EPHA4: variants seen among roughly 807,000 people sequenced by gnomAD.
EPHA4 encodes the protein EPH receptor A4.
Under a neutral mutation model 108.3 loss-of-function variants are expected in EPHA4, and 19 were observed. The ratio of observed to expected loss-of-function variants is 0.18; its 90% confidence interval spans 0.12 to 0.26. The LOEUF (loss-of-function observed/expected upper bound fraction) is 0.26. Ranked by LOEUF, EPHA4 falls within the 10% of genes least tolerant of loss-of-function variation. The probability of loss-of-function intolerance (pLI) is 1.00; values close to 1 mark genes in which losing one functional copy is unlikely to be tolerated. For missense variants in EPHA4, 917 were observed against 1,254.0 expected, an observed-to-expected ratio of 0.73 and a Z score of 4.06; for synonymous variants, 449 against 455.5, an observed-to-expected ratio of 0.99 and a Z score of 0.18.
At position 221,432,141 on chromosome 2, in the gene EPHA4, A is replaced by G. The variant is rs62178653; in HGVS notation, c.2497-1990T>C. Reference sequence around the variant, plus strand: ...ATATATATATTGTTTTTTTATATATATGTGTGTATATATATATAAAATACA... The same window carrying G: ...ATATATATATTGTTTTTTTATATATGTGTGTGTATATATATATAAAATACA... On this transcript the variant is annotated intron_variant, in intron 14 of 17. Coordinates refer to ENST00000281821, the MANE Select transcript of EPHA4 (RefSeq NM_004438.5). 3.0e-3 allele frequency among the ~76,000 whole-genome samples: 415 copies of G among 140,640 alleles called. 2 individuals carry two copies. The highest frequency in any genetic ancestry group is 0.011 in the African/African-American group (394 of 35,776). 92.3% of individuals were successfully genotyped at this position (140,640 alleles called of 152,430 possible).
At chr2:221,507,199 G>A (rs1156399820) in intron 3 of EPHA4, among the ~76,000 whole-genome samples, 1 of 152,246 alleles carries the variant, frequency 6.6e-6, no homozygotes, top group Middle Eastern at 3.4e-3. Context: ...TCCATGGTTC[G>A]TCTGTTACTC....
chr2:221,568,028 G>T (rs1228201867), intron 2 of EPHA4, among the ~76,000 whole-genome samples: 1 of 152,220 alleles, frequency 6.6e-6, no homozygotes, highest in African/African-American at 2.4e-5. Context: ...TAGTAAGATG[G>T]AGGCAGTAAT....
intron 14 of EPHA4, among the ~76,000 whole-genome samples, chr2:221,432,546 TAC>T (rs1690109890): frequency 6.6e-6 from 1 of 152,210 alleles, no homozygotes; most frequent in African/African-American, 2.4e-5. Flanking sequence ...CCACAGATAA[TAC>T]AGTGTGAACA....
In EPHA4 at chr2:221,434,131, T is replaced by C. The variant is rs943827012; in HGVS notation, c.2496+11A>G. On this transcript the variant is annotated intron_variant, in intron 14 of 17. Transcript: ENST00000281821. ...ATGTGAAAAAATATATTTCAGAACA[T>C]AGAGACTTACATCTTGATTGGACAT... 6.2e-7 allele frequency: 1 copy of C among 1,609,096 alleles called. No individual in the cohort carries two copies. Among genetic ancestry groups the C allele is most frequent in the South Asian group, 1.1e-5 (1 of 90,232 alleles).
chr2:221,465,585 T>A (rs545388693), intron 5 of EPHA4, among the ~76,000 whole-genome samples: 1 of 152,284 alleles, frequency 6.6e-6, no homozygotes, highest in South Asian at 2.1e-4. Context: ...GATTCCTTTG[T>A]ATCTACGGTA....
intron 4 of EPHA4, among the ~76,000 whole-genome samples, chr2:221,482,895 A>G (rs1864461): frequency 0.42 from 64,182 of 152,106 alleles, 13,642 homozygotes; most frequent in East Asian, 0.53. Context: ...TCTCTTTCCC[A>G]CGCAAACAAA....
chr2:221,443,494 A>C lies in EPHA4; in HGVS notation c.1887T>G (p.Val629=). 1 of 1,611,610 alleles carries C rather than the reference A, an allele frequency of 6.2e-7. No homozygotes were observed. Among genetic ancestry groups the C allele is most frequent in the South Asian group, 1.1e-5 (1 of 90,934 alleles). ...SCIKIEKVIG[V]GEFGEVCSGR... ...GCAGACGGACACTCAGACACTTACC[A>C]ACTCCTATAACTTTTTCAATCTTAA... Residue 629 remains valine (V), a splice_region_variant and synonymous_variant, in exon 10 of 18, where the codon GTT becomes GTG. Coordinates refer to ENST00000281821, the MANE Select transcript of EPHA4 (RefSeq NM_004438.5).
intron 4 of EPHA4, among the ~76,000 whole-genome samples, chr2:221,491,475 T>C (rs1179091766): frequency 6.6e-6 from 1 of 152,184 alleles, no homozygotes; most frequent in Non-Finnish European, 1.5e-5. Flanking sequence ...TCAGAAACCC[T>C]GACTCCAAGG....
chr2:221,519,052 G>A (rs575756941), intron 3 of EPHA4, among the ~76,000 whole-genome samples: 3 of 152,268 alleles, frequency 2.0e-5, no homozygotes, highest in African/African-American at 4.8e-5. Flanking sequence ...TCTTATCAAA[G>A]GCAGCCTTGG....
In EPHA4 at chr2:221,492,933, A is replaced by G. The variant is rs1692192129; in HGVS notation, c.979+8084T>C. 2.6e-5 allele frequency among the ~76,000 whole-genome samples: 4 copies of G among 152,270 alleles called. No individual in the cohort carries two copies. The South Asian group carries it at 8.3e-4, about 31-fold the overall frequency. On this transcript the variant is annotated intron_variant, in intron 4 of 17. Coordinates refer to ENST00000281821, the MANE Select transcript of EPHA4 (RefSeq NM_004438.5). ...TTACATTGCAAATTTGATAAATGACATGGAATGAGAAATTCCCCTGGAAAA... is the reference window on the plus strand; with the variant it reads ...TTACATTGCAAATTTGATAAATGACGTGGAATGAGAAATTCCCCTGGAAAA...
At position 221,568,764 on chromosome 2, in the gene EPHA4, G is replaced by C. The variant is rs777131300; in HGVS notation, c.113C>G (p.Ser38Cys). The C allele has an allele frequency of 1.4e-5, 23 of 1,613,724 alleles. No homozygotes were observed. Among genetic ancestry groups the C allele is most frequent in the Non-Finnish European group, 1.9e-5 (23 of 1,179,860 alleles). The change falls in exon 2 of 18, where the codon TCT becomes TGT. Residue 38 changes from serine (S) to cysteine (C), a missense_variant. This residue lies in a region of EPHA4 where 758 missense variants were observed against 1,076.7 expected (regional missense o/e 0.70). Coordinates refer to ENST00000281821, the MANE Select transcript of EPHA4 (RefSeq NM_004438.5). ...TATCCACCCAAGTTCTCCCTGAACA[G>C]ATCTGGAATCCAATAAGGTAACTGC... ...ANEVTLLDSRSVQGELGWIAS... is the reference protein window; with the variant it reads ...ANEVTLLDSRCVQGELGWIAS...
chr2:221,449,330 C>T (rs888951946), intron 8 of EPHA4, among the ~76,000 whole-genome samples: 46 of 152,218 alleles, frequency 3.0e-4, no homozygotes, highest in Non-Finnish European at 8.8e-5. Flanking sequence ...GGCAGCCAGC[C>T]TGCAGGAAGC....
chr2:221,445,214 C>G (rs1266195932), intron 9 of EPHA4, among the ~76,000 whole-genome samples: 1 of 152,136 alleles, frequency 6.6e-6, no homozygotes, highest in African/African-American at 2.4e-5. Flanking sequence ...ACATTTTGGA[C>G]AGTGCAGATA....
intron 17 of EPHA4, among the ~76,000 whole-genome samples, chr2:221,424,599 A>G (rs181237674): frequency 8.5e-5 from 13 of 152,314 alleles, no homozygotes; most frequent in Admixed American, 3.9e-4. Context: ...TAATAGGTTT[A>G]TGGATGAGCA....
chr2:221,461,583 C>T (rs2106121886), intron 5 of EPHA4, among the ~76,000 whole-genome samples: 1 of 152,206 alleles, frequency 6.6e-6, no homozygotes, highest in East Asian at 1.9e-4. Context: ...AAGGTTCTTC[C>T]TCAACATCAA....
upstream of EPHA4, chr2:221,572,312 G>A (rs902674776): frequency 4.4e-5 from 63 of 1,445,534 alleles, no homozygotes; most frequent in South Asian, 3.0e-4. Context: ...CTTAAGTTAG[G>A]AGAGCAGCGG....
chr2:221,438,632 A>G (rs1360724111), intron 11 of EPHA4, among the ~76,000 whole-genome samples: 1 of 151,994 alleles, frequency 6.6e-6, no homozygotes, highest in Non-Finnish European at 1.5e-5. Context: ...TACTAAAAAT[A>G]CAAAAATTTG....
intron 11 of EPHA4, among the ~76,000 whole-genome samples, chr2:221,441,754 A>G (rs1271935673): frequency 9.9e-5 from 15 of 152,098 alleles, no homozygotes; most frequent in Non-Finnish European, 8.8e-5. Context: ...CTCCTACAAG[A>G]AGTTTGAGCT....
intron 8 of EPHA4, among the ~76,000 whole-genome samples, chr2:221,454,294 T>C (rs552025927): frequency 7.2e-5 from 11 of 152,000 alleles, no homozygotes; most frequent in African/African-American, 2.2e-4. Context: ...AGTAAAAGCA[T>C]AGTGGCTTGC....
Sources: gnomAD v4.1 joint callset for allele counts (sites outside exome capture counted in the v4.1 genomes callset) on GRCh38, gnomAD v4.1.1 for gene constraint, gnomAD v4.1.1 regional missense constraint, MANE v1.5 for transcripts, NCBI Gene and HGNC (gene_info 2026-07-23, HGNC 2026-07-21) for gene names.